The following CPLX2 variants were observed in gnomAD, a reference collection of about 807,000 sequenced individuals.
CPLX2 encodes the protein complexin-2.
In CPLX2, 5 loss-of-function variants were observed where a neutral mutation model predicts 16.3. The observed-to-expected ratio is 0.31, with a 90% confidence interval of 0.16 to 0.64. CPLX2 has a LOEUF of 0.64. CPLX2 is among the 30% of genes least tolerant of loss of function. The probability of loss-of-function intolerance (pLI) is 0.79; values close to 1 mark genes in which losing one functional copy is unlikely to be tolerated. For missense variants in CPLX2, 144 were observed against 181.4 expected (o/e 0.79, Z 1.18); for synonymous variants, 89 against 73.2 (o/e 1.22, Z -1.10).
intron 2 of CPLX2, among the ~76,000 whole-genome samples, chr5:175,812,268 C>G (rs1758325364): frequency 6.6e-6 from 1 of 152,214 alleles, no homozygotes; most frequent in South Asian, 2.1e-4. Context: ...GCCCTGCCCA[C>G]CACAGAATGC....
chr5:175,877,915 C>T (rs923708856), intron 1 of CPLX2, among the ~76,000 whole-genome samples: 1 of 152,190 alleles, frequency 6.6e-6, no homozygotes, highest in African/African-American at 2.4e-5. Context: ...CGAGTGCCTG[C>T]AAGGCCCGTG....
intron 2 of CPLX2, among the ~76,000 whole-genome samples, chr5:175,823,446 GAATA>G (rs1432392648): frequency 1.3e-5 from 2 of 152,274 alleles, no homozygotes; most frequent in East Asian, 1.9e-4. Context: ...ATGAAGGGAT[GAATA>G]AATAGATAGA....
rs764420080 is a variant in CPLX2 at position 175,830,928 on chromosome 5, C to T, written c.-89+21860C>T. On this transcript the variant is annotated intron_variant, in intron 2 of 4. Coordinates refer to the CPLX2 transcript ENST00000359546. This position sits in a 1 kb window ranked among gnomAD's most constrained non-coding sequence, Gnocchi z 4.0. The stretch of plus-strand genomic sequence containing the variant: ...AAGGGGCCTTAGAGCCCAAGGGAAA[C>T]GTGCGTGTGTTCGTGCTCACACAGT... Among the ~76,000 whole-genome samples, 26 of 152,204 alleles carry T rather than the reference C, an allele frequency of 1.7e-4. No individual in the cohort carries two copies. The highest frequency in any genetic ancestry group is 5.1e-4 in the African/African-American group (21 of 41,466).
At chr5:175,854,091 C>A (rs1759206650) in intron 2 of CPLX2, among the ~76,000 whole-genome samples, 2 of 152,194 alleles carry the variant, frequency 1.3e-5, no homozygotes, top group Admixed American at 6.5e-5. Context: ...TGGGTAGGAG[C>A]CCAGGTTCTC....
chr5:175,815,260 G>T (rs1758384987), intron 2 of CPLX2, among the ~76,000 whole-genome samples: 2 of 152,198 alleles, frequency 1.3e-5, no homozygotes, highest in South Asian at 4.1e-4. Context: ...TAGGGGAAGG[G>T]TACTGGGCAA....
chr5:175,869,707 C>A (rs982646975), upstream of CPLX2, among the ~76,000 whole-genome samples: 2 of 152,230 alleles, frequency 1.3e-5, no homozygotes, highest in African/African-American at 4.8e-5. Flanking sequence ...TCAAATCCTT[C>A]AACCTGCCCT....
At position 175,865,778 on chromosome 5, in the gene CPLX2, G is replaced by A. The variant is rs186007636; in HGVS notation, c.-88-12874G>A. Among the ~76,000 whole-genome samples the A allele has an allele frequency of 4.3e-3, 661 of 152,300 alleles. 7 individuals carry two copies. The highest frequency in any genetic ancestry group is 0.014 in the Middle Eastern group (4 of 294). ...TCGATGTGTCAGAAACACCTGCGGA[G>A]CTGGGCAAAAGATGCAAATTCCTGG... On this transcript the variant is annotated intron_variant, in intron 2 of 4. Transcript: ENST00000359546.
In CPLX2 at chr5:175,839,840, T is replaced by C. The variant is rs553126152; in HGVS notation, c.-89+30772T>C. 9.5e-4 allele frequency among the ~76,000 whole-genome samples: 144 copies of C among 152,346 alleles called. 1 individual carries two copies. The highest frequency in any genetic ancestry group is 3.3e-3 in the African/African-American group (138 of 41,588). On this transcript the variant is annotated intron_variant, in intron 2 of 4. Transcript: ENST00000359546. ...CACTGTAACTTGACACAATGACACA[T>C]TTTTCCATTTTAGGACATCCAATTA...
chr5:175,844,885 T>C (rs1320844809), intron 2 of CPLX2, among the ~76,000 whole-genome samples: 1 of 152,216 alleles, frequency 6.6e-6, no homozygotes, highest in Non-Finnish European at 1.5e-5. Context: ...TGAGTCTTTG[T>C]CGAGGGCTGG....
At position 175,845,269 on chromosome 5, in the gene CPLX2, A is replaced by G. The variant is rs1203219245; in HGVS notation, c.-88-33383A>G. On this transcript the variant is annotated intron_variant, in intron 2 of 4. Transcript: ENST00000359546. The surrounding 1 kb of genome is among the most constrained non-coding windows in gnomAD (Gnocchi z 4.0). ...TGTACTTACAACCCTACAAGGATCCACTATTCTTGGACTAAAACCCACAGC... is the reference window on the plus strand; with the variant it reads ...TGTACTTACAACCCTACAAGGATCCGCTATTCTTGGACTAAAACCCACAGC... 6.6e-6 allele frequency among the ~76,000 whole-genome samples: 1 copy of G among 152,212 alleles called. No individual in the cohort carries two copies. Among genetic ancestry groups the G allele is most frequent in the African/African-American group, 2.4e-5 (1 of 41,452 alleles).
intron 2 of CPLX2, among the ~76,000 whole-genome samples, chr5:175,853,316 C>T (rs1008563668): frequency 6.6e-6 from 1 of 152,206 alleles, no homozygotes; most frequent in Non-Finnish European, 1.5e-5. Flanking sequence ...TCTGGGCCAG[C>T]CCTGGCAACA....
At chr5:175,851,317 G>A (rs1759150257) in intron 2 of CPLX2, among the ~76,000 whole-genome samples, 1 of 152,312 alleles carries the variant, frequency 6.6e-6, no homozygotes, top group Non-Finnish European at 1.5e-5. Context: ...AAGGGCCACG[G>A]TGAAGCCTGC....
At chr5:175,826,419 C>T (rs1239812306) in intron 2 of CPLX2, among the ~76,000 whole-genome samples, 2 of 152,088 alleles carry the variant, frequency 1.3e-5, no homozygotes, top group Non-Finnish European at 2.9e-5. Flanking sequence ...CGAAAGGACT[C>T]CACGCTTTGG....
intron 2 of CPLX2, among the ~76,000 whole-genome samples, chr5:175,831,256 C>T (rs140630417): frequency 1.0e-3 from 153 of 152,314 alleles, no homozygotes; most frequent in African/African-American, 3.5e-3. Flanking sequence ...AGAGCATTCG[C>T]TCTCTCCAGC....
chr5:175,825,694 C>A (rs114888673), intron 2 of CPLX2, among the ~76,000 whole-genome samples: 2 of 152,250 alleles, frequency 1.3e-5, no homozygotes, highest in Admixed American at 1.3e-4. Flanking sequence ...CTGGTCACCA[C>A]CATCTGCTTC....
intron 1 of CPLX2, among the ~76,000 whole-genome samples, chr5:175,873,841 T>A (rs1759694370): frequency 6.6e-6 from 1 of 152,170 alleles, no homozygotes; most frequent in African/African-American, 2.4e-5. Context: ...AAACATTGAG[T>A]CATTTGCTCA....
intron 2 of CPLX2, among the ~76,000 whole-genome samples, chr5:175,846,457 T>C (rs1228464023): frequency 6.6e-6 from 1 of 152,204 alleles, no homozygotes; most frequent in Non-Finnish European, 1.5e-5. Flanking sequence ...GTGGATTTAA[T>C]GGTCTCTGAG....
At chr5:175,799,596 TC>T (rs1758055729) in intron 1 of CPLX2, among the ~76,000 whole-genome samples, 1 of 138,460 alleles carries the variant, frequency 7.2e-6, no homozygotes. Flanking sequence ...GCTTACTGTA[TC>T]CTCAAACTCC....
chr5:175,829,701 C>G (rs1758695076), intron 2 of CPLX2, among the ~76,000 whole-genome samples: 1 of 152,170 alleles, frequency 6.6e-6, no homozygotes, highest in Non-Finnish European at 1.5e-5. Flanking sequence ...TGATATGACC[C>G]TGTAATGTGG....
Sources: gnomAD v4.1 joint callset for allele counts (sites outside exome capture counted in the v4.1 genomes callset) on GRCh38, gnomAD v4.1.1 for gene constraint, Gnocchi (gnomAD v3.1) non-coding constraint, MANE v1.5 for transcripts, NCBI Gene and HGNC (gene_info 2026-07-23, HGNC 2026-07-21) for gene names.